The following CRIM1 variants were observed in gnomAD, a reference collection of about 807,000 sequenced individuals.
CRIM1 encodes the protein cysteine-rich motor neuron 1 protein.
A neutral mutation model predicts 116.4 loss-of-function variants in CRIM1; 32 were observed. The ratio of observed to expected loss-of-function variants is 0.27; its 90% CI spans 0.21 to 0.37. The LOEUF is 0.37. Ranked by LOEUF, CRIM1 falls within the 10% of genes least tolerant of loss-of-function variation. The pLI is 1.00. For missense variants in CRIM1, 1,331 were observed against 1,354.8 expected (o/e 0.98, Z 0.28); for synonymous variants, 590 against 509.2 (o/e 1.16, Z -2.13).
chr2:36,453,742 C>T (rs1676913176), intron 4 of CRIM1, among the ~76,000 whole-genome samples: 1 of 152,160 alleles, frequency 6.6e-6, no homozygotes, highest in South Asian at 2.1e-4. Context: ...GTGTTGTGTG[C>T]TTTGGTAGTA....
chr2:36,374,120 G>T, intron 1 of CRIM1, among the ~76,000 whole-genome samples: 1 of 152,330 alleles, frequency 6.6e-6, no homozygotes, highest in African/African-American at 2.4e-5. Flanking sequence ...ACTCAAAAAG[G>T]ATTGATGCAG....
At position 36,415,718 on chromosome 2, in the gene CRIM1, C is replaced by T. The variant is rs535757109; in HGVS notation, c.505+18931C>T. Reference sequence around the variant, plus strand: ...GCACACTCCAGAGCATGTGGAGAAGCCCATACCATTTAAATCATTCTTCCT... The same window carrying T: ...GCACACTCCAGAGCATGTGGAGAAGTCCATACCATTTAAATCATTCTTCCT... On this transcript the variant is annotated intron_variant, in intron 2 of 16. Transcript: ENST00000280527. Among the ~76,000 whole-genome samples the T allele has an allele frequency of 3.9e-5, 6 of 152,278 alleles. No homozygotes were observed. In the East Asian group the frequency reaches 9.7e-4, roughly 24 times the overall value.
chr2:36,547,536 G>A (rs1370833925), intron 16 of CRIM1, among the ~76,000 whole-genome samples: 1 of 152,108 alleles, frequency 6.6e-6, no homozygotes, highest in Non-Finnish European at 1.5e-5. Flanking sequence ...AGTCAACTTA[G>A]AATTGGGAGA....
Position 36,390,043 on chromosome 2 carries a change from T to A in CRIM1, c.332-6571T>A, listed in dbSNP as rs530863032. 1.5e-3 allele frequency among the ~76,000 whole-genome samples: 227 copies of A among 152,228 alleles called. 1 individual carries two copies. Among genetic ancestry groups the A allele is most frequent in the African/African-American group, 5.1e-3 (213 of 41,554 alleles). ...GATGGAAACTTCTCTCCAACTAGCCTTTGCATTGAAAATCTTTCATGTCAA... is the reference window on the plus strand; with the variant it reads ...GATGGAAACTTCTCTCCAACTAGCCATTGCATTGAAAATCTTTCATGTCAA... On this transcript the variant is annotated intron_variant, in intron 1 of 16. Coordinates refer to ENST00000280527, the MANE Select transcript of CRIM1 (RefSeq NM_016441.3).
intron 1 of CRIM1, among the ~76,000 whole-genome samples, chr2:36,364,339 G>T (rs1331227250): frequency 6.6e-6 from 1 of 152,176 alleles, no homozygotes; most frequent in Non-Finnish European, 1.5e-5. Flanking sequence ...AATGTTACCT[G>T]CTATTATAGT....
intron 1 of CRIM1, among the ~76,000 whole-genome samples, chr2:36,380,777 C>T (rs114037360): frequency 3.2e-4 from 49 of 152,302 alleles, no homozygotes; most frequent in African/African-American, 1.2e-3. Flanking sequence ...TGTTGCCACA[C>T]CAGGAATCAG....
chr2:36,402,498 G>C (rs1244913480), intron 2 of CRIM1, among the ~76,000 whole-genome samples: 1 of 151,976 alleles, frequency 6.6e-6, no homozygotes, highest in Non-Finnish European at 1.5e-5. Context: ...AAGATGATGA[G>C]ATGTATGGAT....
intron 8 of CRIM1, among the ~76,000 whole-genome samples, chr2:36,508,359 TA>T (rs1681576106): frequency 6.6e-6 from 1 of 152,370 alleles, no homozygotes; most frequent in Non-Finnish European, 1.5e-5. Context: ...AATATTTATG[TA>T]AAACACGGAC....
At chr2:36,413,996 A>G (rs973721116) in intron 2 of CRIM1, among the ~76,000 whole-genome samples, 4 of 152,228 alleles carry the variant, frequency 2.6e-5, no homozygotes, top group African/African-American at 4.8e-5. Context: ...ACATCTTCAT[A>G]TATTTGTGTT....
At chr2:36,369,665 C>T (rs563604062) in intron 1 of CRIM1, among the ~76,000 whole-genome samples, 37 of 152,058 alleles carry the variant, frequency 2.4e-4, no homozygotes, top group Middle Eastern at 3.2e-3. Context: ...TAGGAACATT[C>T]GAGAAGATGA....
chr2:36,357,247 C>A (rs997260492), intron 1 of CRIM1, among the ~76,000 whole-genome samples: 1 of 152,048 alleles, frequency 6.6e-6, no homozygotes, highest in Non-Finnish European at 1.5e-5. Context: ...CATTTATTTG[C>A]CCATTGTAAA....
intron 14 of CRIM1, among the ~76,000 whole-genome samples, chr2:36,542,818 T>C (rs1385553698): frequency 3.9e-5 from 6 of 152,094 alleles, no homozygotes; most frequent in African/African-American, 1.4e-4. Context: ...TTTCAGTGGG[T>C]GCATTAAATA....
intron 1 of CRIM1, among the ~76,000 whole-genome samples, chr2:36,387,146 A>G (rs2148350817): frequency 6.6e-6 from 1 of 152,172 alleles, no homozygotes; most frequent in South Asian, 2.1e-4. Flanking sequence ...TTCTCTTAAC[A>G]CTCCTTGCTG....
At chr2:36,480,027 G>A (rs1304681375) in intron 7 of CRIM1, among the ~76,000 whole-genome samples, 3 of 152,256 alleles carry the variant, frequency 2.0e-5, no homozygotes, top group South Asian at 4.1e-4. Context: ...AAATGAGACC[G>A]ATGAGTCAAT....
intron 4 of CRIM1, among the ~76,000 whole-genome samples, chr2:36,457,756 T>TA (rs1339050686): frequency 2.8e-3 from 399 of 144,060 alleles, no homozygotes; most frequent in Non-Finnish European, 2.4e-3. Flanking sequence ...TTGCAGCCTT[T>TA]AAAAAAAAAA....
chr2:36,496,708 A>C (rs1223506801), intron 7 of CRIM1, among the ~76,000 whole-genome samples: 1 of 152,202 alleles, frequency 6.6e-6, no homozygotes, highest in Non-Finnish European at 1.5e-5. Context: ...TCCTGGAGAA[A>C]TGTGTGTTAG....
chr2:36,357,898 C>T (rs1290831597), intron 1 of CRIM1, among the ~76,000 whole-genome samples: 4 of 152,160 alleles, frequency 2.6e-5, no homozygotes, highest in African/African-American at 9.7e-5. Flanking sequence ...AGGTGACAGC[C>T]TTAAGGATAA....
intron 2 of CRIM1, among the ~76,000 whole-genome samples, chr2:36,433,675 G>A (rs1020251129): frequency 2.6e-5 from 4 of 152,110 alleles, no homozygotes; most frequent in Non-Finnish European, 5.9e-5. Context: ...TCCAGACAGT[G>A]GTATTTTTAA....
At chr2:36,367,822 A>G (rs1424342902) in intron 1 of CRIM1, among the ~76,000 whole-genome samples, 1 of 152,216 alleles carries the variant, frequency 6.6e-6, no homozygotes, top group Non-Finnish European at 1.5e-5. Context: ...CTTTTAAATC[A>G]TATTCACCGT....
Sources: gnomAD v4.1 joint callset for allele counts (sites outside exome capture counted in the v4.1 genomes callset) on GRCh38, gnomAD v4.1.1 for gene constraint, MANE v1.5 for transcripts, NCBI Gene and HGNC (gene_info 2026-07-23, HGNC 2026-07-21) for gene names.